Variants in THAP4 observed in about 807,000 individuals in gnomAD.
THAP4 encodes THAP domain containing 4.
In THAP4, 18 loss-of-function variants were observed where a neutral mutation model predicts 48.1. The ratio of observed to expected loss-of-function variants is 0.37; its 90% CI spans 0.26 to 0.56. The LOEUF (loss-of-function observed/expected upper bound fraction) is 0.56. Ranked by LOEUF, THAP4 falls within the 20% of genes least tolerant of loss-of-function variation. The probability of loss-of-function intolerance (pLI) is 0.78; values close to 1 mark genes in which losing one functional copy is unlikely to be tolerated. For synonymous variants in THAP4, 345 were observed against 324.9 expected (o/e 1.06, Z -0.66); for missense variants, 656 against 774.9 (o/e 0.85, Z 1.82).
At chr2:241,605,031 G>C (rs1017093991) in intron 3 of THAP4, among the ~76,000 whole-genome samples, 2 of 152,010 alleles carry the variant, frequency 1.3e-5, no homozygotes, top group Non-Finnish European at 2.9e-5. Context: ...ATTTTTCTTC[G>C]AATGCTAGTC....
chr2:241,621,916 G>T (rs1034766473), intron 2 of THAP4, among the ~76,000 whole-genome samples: 1 of 151,620 alleles, frequency 6.6e-6, no homozygotes, highest in Non-Finnish European at 1.5e-5. Context: ...AAGAATTACA[G>T]CAGACTTGTC....
chr2:241,602,856 C>T (rs2067132413), intron 4 of THAP4, 114 bp downstream of exon 4: 2 of 815,016 alleles, frequency 2.5e-6, no homozygotes, highest in South Asian at 3.0e-5. Context: ...TCCCCACGGT[C>T]CCCACCAGCA....
Position 241,612,162 on chromosome 2 carries a change from T to A in THAP4, c.1241-5689A>T, listed in dbSNP as rs2125084895. On this transcript the variant is annotated intron_variant, in intron 2 of 5. Transcript: ENST00000407315. The surrounding 1 kb of genome is among the most constrained non-coding windows in gnomAD (Gnocchi z 4.1). The stretch of plus-strand genomic sequence containing the variant: ...AGTCGAGAAAGTAAAAGAAAAAAAA[T>A]CAAGCCACCACCCAAATGAAGTGGA... Among the ~76,000 whole-genome samples, 1 of 149,452 alleles carries A rather than the reference T, an allele frequency of 6.7e-6. No homozygotes were observed. The highest frequency in any genetic ancestry group is 2.1e-4 in the South Asian group (1 of 4,742).
chr2:241,633,380 C>T lies in THAP4; in HGVS notation c.777G>A (p.Lys259=), dbSNP rs2067593252. 1.2e-6 allele frequency: 2 copies of T among 1,613,220 alleles called. No individual in the cohort carries two copies. The highest frequency in any genetic ancestry group is 1.7e-6 in the Non-Finnish European group (2 of 1,180,010). ...TTGGTTCCACATCTTTCTTCAGCCTCTTGCGGTCAATGGGCTCTCGGGGGA... is the reference window on the plus strand; with the variant it reads ...TTGGTTCCACATCTTTCTTCAGCCTTTTGCGGTCAATGGGCTCTCGGGGGA... ...PSVPREPIDR[K]RLKKDVEPSC... The change falls in exon 2 of 6, where the codon AAG becomes AAA. Residue 259 remains lysine (K), a synonymous_variant. Coordinates refer to ENST00000407315, the MANE Select transcript of THAP4 (RefSeq NM_015963.6). The surrounding 1 kb of genome is among the most constrained non-coding windows in gnomAD (Gnocchi z 7.5).
intron 3 of THAP4, among the ~76,000 whole-genome samples, chr2:241,604,612 A>G (rs2067156725): frequency 1.3e-5 from 2 of 151,762 alleles, no homozygotes; most frequent in South Asian, 2.1e-4. Context: ...ATTTCACCAC[A>G]TTGGCCAGGC....
At chr2:241,608,052 C>T (rs1454947473) in intron 2 of THAP4, among the ~76,000 whole-genome samples, 3 of 151,924 alleles carry the variant, frequency 2.0e-5, no homozygotes, top group African/African-American at 7.3e-5. Context: ...GACAGGAGTT[C>T]TTGGAACCAT....
intron 5 of THAP4, chr2:241,594,506 C>T (rs551882737): frequency 1.1e-4 from 27 of 247,452 alleles, no homozygotes; most frequent in African/African-American, 5.9e-4. Flanking sequence ...GGGTATACTG[C>T]TTGAGTTCAG....
chr2:241,621,645 T>G (rs2067430279), intron 2 of THAP4, among the ~76,000 whole-genome samples: 1 of 151,644 alleles, frequency 6.6e-6, no homozygotes, highest in Non-Finnish European at 1.5e-5. Context: ...TATTGGAGAA[T>G]TGTGGGGCAA....
chr2:241,629,109 A>G (rs369599808), intron 2 of THAP4, among the ~76,000 whole-genome samples: 5 of 152,092 alleles, frequency 3.3e-5, no homozygotes, highest in African/African-American at 9.7e-5. Context: ...CACCTAGGGA[A>G]GGTGGCACAC....
rs773286162 is a variant in THAP4 at position 241,633,874 on chromosome 2, C to T, written c.283G>A (p.Gly95Arg). The T allele has an allele frequency of 3.1e-6, 5 of 1,613,962 alleles. No homozygotes were observed. Among genetic ancestry groups the T allele is most frequent in the East Asian group, 2.2e-5 (1 of 44,876 alleles). ...TTTCTCCGGGTGCGGCCATGGCCTC[C>T]AGCCCCCCTCTTCTTCTCGGTCAGG... is the stretch of plus-strand genomic sequence containing the variant. ...FHLTEKKRGAGGHGRTRRKDA... is the reference protein window; with the variant it reads ...FHLTEKKRGARGHGRTRRKDA... The change falls in exon 2 of 6, where the codon GGA (glycine) becomes AGA (arginine). Residue 95 changes from glycine (G) to arginine (R), a missense_variant. Coordinates refer to ENST00000407315, the MANE Select transcript of THAP4 (RefSeq NM_015963.6). This position sits in a 1 kb window ranked among gnomAD's most constrained non-coding sequence, Gnocchi z 7.5.
upstream of THAP4, chr2:241,637,182 G>A (rs1270361086): frequency 8.3e-6 from 8 of 964,984 alleles, no homozygotes; most frequent in African/African-American, 3.5e-5. Context: ...CCCGCAGCGG[G>A]CCCGCCCCCG....
chr2:241,594,561 C>T, intron 5 of THAP4: 1 of 342,442 alleles, frequency 2.9e-6, no homozygotes, highest in Non-Finnish European at 5.8e-6. Context: ...CCCATCTCTA[C>T]TAAAAATACA....
chr2:241,584,624 G>T lies in THAP4; in HGVS notation c.1716C>A (p.Tyr572Ter). ...QPMTQHLHVTYKKVTP is the reference protein window; with the variant it reads ...QPMTQHLHVT Reference sequence around the variant, plus strand: ...TCTAGGTTTACGGGGTCACCTTCTTGTAGGTGACGTGAAGATGCTGAGTCA... The same window carrying T: ...TCTAGGTTTACGGGGTCACCTTCTTTTAGGTGACGTGAAGATGCTGAGTCA... The change falls in exon 6 of 6, where the codon TAC becomes TAA. Residue 572 changes from tyrosine to a stop codon, truncating the protein, a stop_gained. Transcript: ENST00000407315. LOFTEE classifies it high-confidence loss of function. 3 of 1,614,196 alleles carry T rather than the reference G, an allele frequency of 1.9e-6. No homozygotes were observed. The highest frequency in any genetic ancestry group is 2.5e-6 in the Non-Finnish European group (3 of 1,180,034).
chr2:241,629,050 G>A (rs141352723), intron 2 of THAP4, among the ~76,000 whole-genome samples: 26 of 152,110 alleles, frequency 1.7e-4, no homozygotes, highest in South Asian at 1.0e-3. Flanking sequence ...AATCATGGTT[G>A]CTTGATGGGG....
chr2:241,631,668 G>C (rs2067563270), intron 2 of THAP4, among the ~76,000 whole-genome samples: 1 of 152,110 alleles, frequency 6.6e-6, no homozygotes, highest in African/African-American at 2.4e-5. Flanking sequence ...GTCTCCCTAT[G>C]TTGCCCAGGC....
intron 2 of THAP4, among the ~76,000 whole-genome samples, chr2:241,609,998 G>A (rs2067243781): frequency 6.6e-6 from 1 of 152,174 alleles, no homozygotes; most frequent in African/African-American, 2.4e-5. Flanking sequence ...CCAGAGTCCA[G>A]GTTCTGAGCT....
intron 5 of THAP4, among the ~76,000 whole-genome samples, chr2:241,585,265 T>C (rs897847612): frequency 6.6e-6 from 1 of 152,172 alleles, no homozygotes; most frequent in East Asian, 1.9e-4. Flanking sequence ...TCCAAGCCTA[T>C]GGCAGCTAAG....
chr2:241,627,758 C>G (rs1253940157), intron 2 of THAP4, among the ~76,000 whole-genome samples: 1 of 152,194 alleles, frequency 6.6e-6, no homozygotes, highest in African/African-American at 2.4e-5. Flanking sequence ...GACTGCAACC[C>G]CAGGGAGAGG....
chr2:241,613,580 ACT>A (rs566918875), intron 2 of THAP4, among the ~76,000 whole-genome samples: 42 of 151,370 alleles, frequency 2.8e-4, no homozygotes, highest in African/African-American at 9.4e-4. Flanking sequence ...ATAGCAAAAC[ACT>A]GTCTCTACCA....
Sources: gnomAD v4.1 joint callset for allele counts (sites outside exome capture counted in the v4.1 genomes callset) on GRCh38, gnomAD v4.1.1 for gene constraint, Gnocchi (gnomAD v3.1) non-coding constraint, MANE v1.5 for transcripts, NCBI Gene and HGNC (gene_info 2026-07-23, HGNC 2026-07-21) for gene names.